Variants in KIAA1217 observed in about 807,000 individuals in gnomAD.
KIAA1217 encodes the protein KIAA1217.
KIAA1217 carries 88 observed loss-of-function variants against 163.9 expected under a neutral mutation model. That is an observed-to-expected ratio of 0.54 (90% CI 0.45 to 0.64). The LOEUF (loss-of-function observed/expected upper bound fraction) is 0.64, where lower values mean the gene tolerates loss of function less well. Among genes scored for constraint, KIAA1217 ranks in the 30% least tolerant of loss-of-function variants. The probability of loss-of-function intolerance (pLI) is 0.00; values close to 1 mark genes in which losing one functional copy is unlikely to be tolerated. For missense variants in KIAA1217, 2,372 were observed against 2,475.0 expected (o/e 0.96, Z 0.88); for synonymous variants, 903 against 923.1 (o/e 0.98, Z 0.39).
intron 2 of KIAA1217, among the ~76,000 whole-genome samples, chr10:24,358,477 T>C (rs2049420058): frequency 6.6e-6 from 1 of 152,230 alleles, no homozygotes; most frequent in Non-Finnish European, 1.5e-5. Context: ...GTGATACCAG[T>C]CCTCCTATAG....
intron 2 of KIAA1217, among the ~76,000 whole-genome samples, chr10:24,340,460 C>T (rs576358727): frequency 6.6e-5 from 10 of 152,306 alleles, no homozygotes; most frequent in African/African-American, 1.4e-4. Flanking sequence ...TGAGGCCTCC[C>T]CAACCACTTG....
At chr10:24,001,018 T>C (rs2131464250) in intron 1 of KIAA1217, among the ~76,000 whole-genome samples, 1 of 152,054 alleles carries the variant, frequency 6.6e-6, no homozygotes, top group South Asian at 2.1e-4. Context: ...TTTTGTTGAA[T>C]TAAAACCTTA....
intron 1 of KIAA1217, among the ~76,000 whole-genome samples, chr10:23,795,059 C>T (rs1836135314): frequency 6.6e-6 from 1 of 152,204 alleles, no homozygotes; most frequent in Non-Finnish European, 1.5e-5. Flanking sequence ...CAGTTTCAGC[C>T]TGCCTCAGCC....
At chr10:24,503,927 T>C (rs72776794) in intron 9 of KIAA1217, among the ~76,000 whole-genome samples, 4,684 of 152,324 alleles carry the variant, frequency 0.031, 107 homozygotes, top group South Asian at 0.042. Flanking sequence ...CTCTCAAAAG[T>C]GAGCATTTGT....
chr10:23,734,778 A>G (rs534599940), intron 1 of KIAA1217, among the ~76,000 whole-genome samples: 3 of 152,210 alleles, frequency 2.0e-5, no homozygotes, highest in Admixed American at 6.5e-5. Flanking sequence ...TTATCATGAT[A>G]AATTTTCTGT....
intron 2 of KIAA1217, among the ~76,000 whole-genome samples, chr10:24,070,828 C>G (rs1237767817): frequency 6.6e-6 from 1 of 151,854 alleles, no homozygotes. Flanking sequence ...TGCAAATGGA[C>G]AGTAGAAAAT....
At chr10:24,491,191 C>T (rs2066073368) in intron 6 of KIAA1217, among the ~76,000 whole-genome samples, 1 of 145,288 alleles carries the variant, frequency 6.9e-6, no homozygotes, top group Non-Finnish European at 1.5e-5. Flanking sequence ...TGTGTTGTGA[C>T]ATTCTATAGT....
At chr10:24,403,100 A>G (rs1212219646) in intron 3 of KIAA1217, among the ~76,000 whole-genome samples, 2 of 152,232 alleles carry the variant, frequency 1.3e-5, no homozygotes, top group Non-Finnish European at 2.9e-5. Flanking sequence ...GGAAAACCAT[A>G]CAACTTTTAG....
chr10:24,262,242 C>T (rs2075792646), intron 2 of KIAA1217, among the ~76,000 whole-genome samples: 1 of 152,062 alleles, frequency 6.6e-6, no homozygotes, highest in South Asian at 2.1e-4. Context: ...TGATCAAGTC[C>T]TAGGAGTCTG....
At chr10:24,353,170 G>T (rs1353902082) in intron 2 of KIAA1217, among the ~76,000 whole-genome samples, 2 of 152,074 alleles carry the variant, frequency 1.3e-5, no homozygotes, top group Admixed American at 1.3e-4. Context: ...CAAAGGACAG[G>T]AGATAGAGCC....
chr10:24,347,074 A>C (rs936280284), intron 2 of KIAA1217, among the ~76,000 whole-genome samples: 2 of 152,216 alleles, frequency 1.3e-5, no homozygotes, highest in African/African-American at 4.8e-5. Context: ...ACAGTGATTA[A>C]TCACTCACTA....
chr10:24,519,361 A>C (rs564244085), intron 10 of KIAA1217, among the ~76,000 whole-genome samples: 1 of 152,212 alleles, frequency 6.6e-6, no homozygotes, highest in South Asian at 2.1e-4. Flanking sequence ...ATTCCCCTCT[A>C]TCCACAGACA....
At chr10:23,946,413 GT>G (rs1456398190) in intron 1 of KIAA1217, among the ~76,000 whole-genome samples, 2 of 151,660 alleles carry the variant, frequency 1.3e-5, no homozygotes, top group African/African-American at 4.8e-5. Flanking sequence ...TATTTCAGGG[GT>G]TCAGATCTGT....
At chr10:24,286,473 TACACATACACAC>T (rs913998828) in intron 2 of KIAA1217, among the ~76,000 whole-genome samples, 3 of 149,670 alleles carry the variant, frequency 2.0e-5, no homozygotes, top group African/African-American at 7.3e-5. Context: ...CACACACACA[TACACATACACAC>T]ACACATACAC....
intron 1 of KIAA1217, among the ~76,000 whole-genome samples, chr10:23,707,978 G>A (rs1180769731): frequency 6.6e-6 from 1 of 152,166 alleles, no homozygotes; most frequent in African/African-American, 2.4e-5. Context: ...GGGTGTATTA[G>A]TCCATTTTCA....
intron 2 of KIAA1217, among the ~76,000 whole-genome samples, chr10:24,127,063 G>T (rs1439950139): frequency 6.6e-6 from 1 of 152,060 alleles, no homozygotes; most frequent in Non-Finnish European, 1.5e-5. Flanking sequence ...AAAGTTATCA[G>T]GTTCTTTAAG....
At chr10:23,765,025 A>T (rs191740874) in intron 1 of KIAA1217, among the ~76,000 whole-genome samples, 1 of 152,134 alleles carries the variant, frequency 6.6e-6, no homozygotes, top group Non-Finnish European at 1.5e-5. Context: ...CCCCAAAAAA[A>T]CCCACTAAAA....
intron 1 of KIAA1217, among the ~76,000 whole-genome samples, chr10:23,936,006 T>A (rs1339265533): frequency 1.3e-5 from 2 of 152,062 alleles, no homozygotes; most frequent in Non-Finnish European, 2.9e-5. Flanking sequence ...CCATGATGTA[T>A]CCCCAATCCC....
chr10:24,506,819 G>T (rs11014124), intron 9 of KIAA1217, among the ~76,000 whole-genome samples: 46,628 of 151,990 alleles, frequency 0.31, 7,446 homozygotes, highest in Middle Eastern at 0.41. Flanking sequence ...TTTAGAGAGA[G>T]CTGAAACAGC....
Sources: allele counts gnomAD v4.1 joint callset (sites outside exome capture counted in the v4.1 genomes callset), GRCh38; gene constraint gnomAD v4.1.1; transcripts MANE v1.5; gene names NCBI Gene and HGNC (gene_info 2026-07-23, HGNC 2026-07-21).